The following NRXN3 variants were observed in gnomAD, a reference collection of about 807,000 sequenced individuals.
NRXN3 encodes the protein neurexin 3.
Under a neutral mutation model 137.6 loss-of-function variants are expected in NRXN3, and 32 were observed. That is an observed-to-expected ratio of 0.23 (90% CI 0.18 to 0.31). NRXN3 has a LOEUF of 0.31. Among genes scored for constraint, NRXN3 ranks in the 10% least tolerant of loss-of-function variants. NRXN3 has a pLI of 1.00. For missense variants in NRXN3, 1,574 were observed against 2,062.5 expected, an observed-to-expected ratio of 0.76 and a Z score of 4.59; for synonymous variants, 798 against 784.5, an observed-to-expected ratio of 1.02 and a Z score of -0.29.
chr14:79,460,064 T>C (rs2096309709), intron 15 of NRXN3, among the ~76,000 whole-genome samples: 1 of 152,168 alleles, frequency 6.6e-6, no homozygotes, highest in Non-Finnish European at 1.5e-5. Flanking sequence ...CCCTAAGACT[T>C]ACTTACAAAG....
chr14:78,312,063 T>G (rs1257587607), intron 4 of NRXN3, among the ~76,000 whole-genome samples: 1 of 152,192 alleles, frequency 6.6e-6, no homozygotes, highest in Non-Finnish European at 1.5e-5. Flanking sequence ...TCCCACCAAG[T>G]TGCCTCTAAG....
intron 4 of NRXN3, among the ~76,000 whole-genome samples, chr14:78,592,926 T>C (rs1048414880): frequency 2.0e-5 from 3 of 152,202 alleles, no homozygotes; most frequent in Non-Finnish European, 2.9e-5. Flanking sequence ...CTCTGTTGGC[T>C]TGCAAAGTGG....
In NRXN3 at chr14:79,203,609, C is replaced by A. The variant is rs535172371; in HGVS notation, c.3262+215468C>A. The stretch of plus-strand genomic sequence containing the variant: ...GCATTTTTCTCTGGGATCTAATAAC[C>A]CAGTAACCTTGGACACCAGCATTAT... On this transcript the variant is annotated intron_variant, in intron 15 of 20. Transcript: ENST00000335750. Among the ~76,000 whole-genome samples, 3 of 152,192 alleles carry A rather than the reference C, an allele frequency of 2.0e-5. No individual in the cohort carries two copies. In the South Asian group the frequency reaches 6.2e-4, roughly 32 times the overall value.
At chr14:79,838,838 T>C (rs577664203) in intron 20 of NRXN3, among the ~76,000 whole-genome samples, 1 of 152,270 alleles carries the variant, frequency 6.6e-6, no homozygotes, top group African/African-American at 2.4e-5. Context: ...AGCAATACAG[T>C]CTCATTGTGC....
chr14:79,668,906 A>T (rs1405847729), intron 17 of NRXN3, among the ~76,000 whole-genome samples: 1 of 152,092 alleles, frequency 6.6e-6, no homozygotes, highest in Non-Finnish European at 1.5e-5. Flanking sequence ...TAATTTAGAC[A>T]GTATACATCG....
At chr14:79,479,005 G>C (rs937796328) in intron 16 of NRXN3, among the ~76,000 whole-genome samples, 3 of 152,116 alleles carry the variant, frequency 2.0e-5, no homozygotes, top group African/African-American at 7.2e-5. Flanking sequence ...TCATACTGCA[G>C]TTTCCTAAAT....
intron 20 of NRXN3, among the ~76,000 whole-genome samples, chr14:79,806,562 A>G (rs1206315761): frequency 1.3e-5 from 2 of 152,126 alleles, no homozygotes; most frequent in Middle Eastern, 3.2e-3. Flanking sequence ...TGTATGTGCT[A>G]TGTGAGGTTT....
chr14:78,403,558 C>G (rs2092265877), intron 4 of NRXN3, among the ~76,000 whole-genome samples: 1 of 152,124 alleles, frequency 6.6e-6, no homozygotes, highest in Non-Finnish European at 1.5e-5. Context: ...CTGGCTGAAG[C>G]TCCCAGTGTA....
At chr14:79,734,673 T>C (rs2098935922) in intron 19 of NRXN3, among the ~76,000 whole-genome samples, 1 of 152,216 alleles carries the variant, frequency 6.6e-6, no homozygotes, top group Non-Finnish European at 1.5e-5. Flanking sequence ...ATGATTATTT[T>C]CATTTTTTGA....
intron 6 of NRXN3, 26 bp from the exon 7 acceptor site, chr14:78,709,191 T>A (rs753826419): frequency 3.1e-6 from 5 of 1,588,158 alleles, no homozygotes; most frequent in Admixed American, 1.7e-5. Flanking sequence ...TTGATTCACA[T>A]GGCACTTTTG....
At chr14:79,630,539 A>G (rs1234632598) in intron 16 of NRXN3, among the ~76,000 whole-genome samples, 1 of 152,226 alleles carries the variant, frequency 6.6e-6, no homozygotes, top group African/African-American at 2.4e-5. Flanking sequence ...ACTGACGGAC[A>G]TTTATTTACG....
intron 4 of NRXN3, among the ~76,000 whole-genome samples, chr14:78,436,544 T>G (rs191181210): frequency 2.8e-4 from 42 of 152,294 alleles, no homozygotes; most frequent in African/African-American, 9.9e-4. Context: ...CAGTGGAAAT[T>G]TCAGTGATGA....
chr14:79,711,174 T>G (rs180870104), intron 19 of NRXN3, among the ~76,000 whole-genome samples: 1 of 152,330 alleles, frequency 6.6e-6, no homozygotes, highest in African/African-American at 2.4e-5. Context: ...GAGACTAAAT[T>G]TGCAATGTTT....
At chr14:79,796,412 C>A (rs978783872) in intron 19 of NRXN3, among the ~76,000 whole-genome samples, 1 of 152,096 alleles carries the variant, frequency 6.6e-6, no homozygotes, top group East Asian at 1.9e-4. Flanking sequence ...GTCAGCCTGC[C>A]TTGAACAACA....
intron 14 of NRXN3, among the ~76,000 whole-genome samples, chr14:78,982,515 T>C (rs2099491904): frequency 6.6e-6 from 1 of 152,054 alleles, no homozygotes; most frequent in East Asian, 1.9e-4. Flanking sequence ...GATTTTTTTT[T>C]TAACAAAGGT....
At chr14:79,003,325 T>C (rs939208938) in intron 15 of NRXN3, among the ~76,000 whole-genome samples, 2 of 152,236 alleles carry the variant, frequency 1.3e-5, no homozygotes, top group African/African-American at 4.8e-5. Context: ...GCCTCTGTAA[T>C]GACCAGAACT....
intron 15 of NRXN3, among the ~76,000 whole-genome samples, chr14:79,123,278 G>GC (rs1383943187): frequency 2.0e-5 from 3 of 151,998 alleles, no homozygotes; most frequent in African/African-American, 7.2e-5. Context: ...GGAAGGAAGA[G>GC]CCCCCCACTC....
At chr14:78,364,032 C>T (rs1041492145) in intron 4 of NRXN3, among the ~76,000 whole-genome samples, 10 of 152,212 alleles carry the variant, frequency 6.6e-5, no homozygotes, top group East Asian at 1.9e-4. Context: ...ATAGTCAGGT[C>T]GCACCTGGAT....
At chr14:79,694,045 A>G (rs2154026896) in intron 18 of NRXN3, among the ~76,000 whole-genome samples, 1 of 152,122 alleles carries the variant, frequency 6.6e-6, no homozygotes, top group South Asian at 2.1e-4. Flanking sequence ...AATGAATATA[A>G]AGGATAAAGA....
Sources: allele counts gnomAD v4.1 joint callset (sites outside exome capture counted in the v4.1 genomes callset), GRCh38; gene constraint gnomAD v4.1.1; transcripts MANE v1.5; gene names NCBI Gene and HGNC (gene_info 2026-07-23, HGNC 2026-07-21).